The following DENND4C variants were observed in gnomAD, a reference collection of about 807,000 sequenced individuals.
DENND4C encodes the protein DENN domain containing 4C.
A neutral mutation model predicts 203.0 loss-of-function variants in DENND4C; 108 were observed. The ratio of observed to expected loss-of-function variants is 0.53; its 90% CI spans 0.46 to 0.62. The LOEUF is 0.62. Ranked by LOEUF, DENND4C falls within the 20% of genes least tolerant of loss-of-function variation. The pLI is 0.00. For synonymous variants in DENND4C, 871 were observed against 792.4 expected (o/e 1.10, Z -1.67); for missense variants, 2,481 against 2,301.2 (o/e 1.08, Z -1.60).
In DENND4C at chr9:19,346,718, G is replaced by A. The variant is rs1263017147; in HGVS notation, c.3949G>A (p.Ala1317Thr). The A allele has an allele frequency of 1.2e-6, 2 of 1,614,138 alleles. No individual in the cohort carries two copies. The highest frequency in any genetic ancestry group is 3.3e-5 in the Admixed American group (2 of 60,024). The part of the protein sequence containing the change: ...EENRESGMTT[A>T]FIHALERRSS... The stretch of plus-strand genomic sequence containing the variant: ...AAACAGAGAGTCTGGCATGACTACT[G>A]CATTTATTCATGCTCTAGAGAGGAG... The change falls in exon 23 of 33, where the codon GCA (alanine) becomes ACA (threonine). Residue 1317 changes from alanine (A) to threonine (T), a missense_variant. Coordinates refer to ENST00000434457, the MANE Select transcript of DENND4C (RefSeq NM_001330640.2).
intron 9 of DENND4C, 109 bp from the exon 10 acceptor site, chr9:19,305,243 A>G (rs1443804817): frequency 2.9e-5 from 27 of 929,948 alleles, no homozygotes; most frequent in Non-Finnish European, 3.8e-5. Context: ...AAGGTAAACA[A>G]AACAGACTTA....
intron 1 of DENND4C, among the ~76,000 whole-genome samples, chr9:19,271,835 C>G (rs1172554696): frequency 6.7e-6 from 1 of 149,032 alleles, no homozygotes; most frequent in Non-Finnish European, 1.5e-5. Flanking sequence ...CGCCATTGCA[C>G]TCCAGCCTGG....
At chr9:19,355,210 A>C (rs1825133087) in intron 26 of DENND4C, among the ~76,000 whole-genome samples, 1 of 152,044 alleles carries the variant, frequency 6.6e-6, no homozygotes, top group Non-Finnish European at 1.5e-5. Context: ...ATGCCTGGCC[A>C]TTCATTGCCT....
chr9:19,316,723 A>G lies in DENND4C; in HGVS notation c.1691A>G (p.Glu564Gly). 4.3e-6 allele frequency: 7 copies of G among 1,614,128 alleles called. No homozygotes were observed. The highest frequency in any genetic ancestry group is 5.9e-6 in the Non-Finnish European group (7 of 1,180,010). The change falls in exon 12 of 33, where the codon GAG becomes GGG. Residue 564 changes from glutamate (E) to glycine (G), a missense_variant. Transcript: ENST00000434457. ...KMTQLEMEIQEAFLRFMASIL... is the reference protein window; with the variant it reads ...KMTQLEMEIQGAFLRFMASIL... ...ACACAGCTTGAGATGGAAATTCAAG[A>G]GGCATTTTTGCGCTTTATGGCGTCT...
At chr9:19,304,127 G>T (rs1028130772) in intron 9 of DENND4C, among the ~76,000 whole-genome samples, 6 of 146,916 alleles carry the variant, frequency 4.1e-5, no homozygotes, top group Middle Eastern at 3.5e-3. Flanking sequence ...CTTGAGGAAT[G>T]TTTTTTTCTC....
chr9:19,323,764 C>A (rs1200813670), intron 12 of DENND4C, among the ~76,000 whole-genome samples: 2 of 152,178 alleles, frequency 1.3e-5, no homozygotes, highest in African/African-American at 4.8e-5. Flanking sequence ...AGAGAAATTT[C>A]TACTTAAAAG....
intron 1 of DENND4C, among the ~76,000 whole-genome samples, chr9:19,248,467 G>T (rs540395638): frequency 6.6e-6 from 1 of 152,016 alleles, no homozygotes; most frequent in South Asian, 2.1e-4. Flanking sequence ...TTGGCTCACC[G>T]CAACCTCCGC....
chr9:19,365,519 C>G (rs1827452834), intron 30 of DENND4C, among the ~76,000 whole-genome samples: 1 of 151,932 alleles, frequency 6.6e-6, no homozygotes, highest in Non-Finnish European at 1.5e-5. Context: ...TACCATTCTA[C>G]CAGAGGTTCT....
chr9:19,254,090 G>C (rs1438398692), intron 1 of DENND4C, among the ~76,000 whole-genome samples: 4 of 151,822 alleles, frequency 2.6e-5, no homozygotes, highest in Non-Finnish European at 5.9e-5. Flanking sequence ...TTAATACAAA[G>C]TATCAATATG....
rs547732012 is a variant in DENND4C, at chr9:19,297,192, A to G, written c.1041-864A>G. On this transcript the variant is annotated intron_variant, in intron 6 of 32. Transcript: ENST00000434457. The stretch of plus-strand genomic sequence containing the variant: ...TGTGTAAGCTTAGATGTTTCTTACA[A>G]TTTCAGAACTTTTACATTATAGCAG... Among the ~76,000 whole-genome samples, 18 of 152,330 alleles carry G rather than the reference A, an allele frequency of 1.2e-4. 2 individuals are homozygous for G. The South Asian group carries it at 3.5e-3, about 30-fold the overall frequency.
intron 1 of DENND4C, among the ~76,000 whole-genome samples, chr9:19,274,070 G>A (rs928408167): frequency 2.1e-4 from 32 of 151,972 alleles, no homozygotes; most frequent in African/African-American, 7.5e-4. Flanking sequence ...ATACCACTCA[G>A]TAATAAAAGG....
chr9:19,304,086 A>G (rs1839158257), intron 9 of DENND4C, among the ~76,000 whole-genome samples: 1 of 149,092 alleles, frequency 6.7e-6, no homozygotes, highest in Non-Finnish European at 1.5e-5. Flanking sequence ...CAATTGAAGT[A>G]AAGCTTTGTA....
At chr9:19,236,078 T>C (rs1485853102) in intron 1 of DENND4C, among the ~76,000 whole-genome samples, 2 of 152,064 alleles carry the variant, frequency 1.3e-5, no homozygotes, top group Non-Finnish European at 2.9e-5. Context: ...AGTTCAATTA[T>C]CTCTTAATTT....
At chr9:19,242,735 A>T (rs1386569963) in intron 1 of DENND4C, among the ~76,000 whole-genome samples, 1 of 151,672 alleles carries the variant, frequency 6.6e-6, no homozygotes, top group Non-Finnish European at 1.5e-5. Context: ...GGCTCACTGC[A>T]ACCTCTGCCT....
In DENND4C at chr9:19,372,300, T is replaced by C; in HGVS notation, c.*127T>C. On this transcript the variant is annotated 3_prime_UTR_variant, in exon 33 of 33. Coordinates refer to ENST00000434457, the MANE Select transcript of DENND4C (RefSeq NM_001330640.2). Reference sequence around the variant, plus strand: ...GAATTGAAGTAACTCTTGGGGACAATATATAATGAATTATGATTCATATTG... The same window carrying C: ...GAATTGAAGTAACTCTTGGGGACAACATATAATGAATTATGATTCATATTG... The C allele has an allele frequency of 8.7e-7, 1 of 1,144,602 alleles. No homozygotes were observed. The highest frequency in any genetic ancestry group is 1.5e-5 in the African/African-American group (1 of 64,798). 70.9% of individuals were successfully genotyped at this position (1,144,602 alleles called of 1,614,324 possible).
At chr9:19,299,366 A>G in intron 8 of DENND4C, 79 bp downstream of exon 8, 2 of 872,432 alleles carry the variant, frequency 2.3e-6, no homozygotes, top group East Asian at 3.0e-5. Flanking sequence ...TTAGTATATT[A>G]TTAATATATT....
At chr9:19,343,087 A>G (rs1258275608) in intron 22 of DENND4C, among the ~76,000 whole-genome samples, 1 of 152,148 alleles carries the variant, frequency 6.6e-6, no homozygotes, top group Non-Finnish European at 1.5e-5. Flanking sequence ...GGCTTCCTGT[A>G]TGCATCATGA....
Position 19,332,876 on chromosome 9 carries a change from A to C in DENND4C, c.2460+692A>C, listed in dbSNP as rs778265107. ...TGGCCTCCCAAAGTGCAGGGATTAC[A>C]GGCATGAGCCACTGTGGCTGGCTTC... On this transcript the variant is annotated intron_variant, in intron 17 of 32. Transcript: ENST00000434457. Among the ~76,000 whole-genome samples, 19 of 150,580 alleles carry C rather than the reference A, an allele frequency of 1.3e-4. No individual in the cohort carries two copies. In the South Asian group the frequency reaches 4.0e-3, roughly 32 times the overall value.
At chr9:19,278,922 C>T (rs559678668) in intron 2 of DENND4C, among the ~76,000 whole-genome samples, 1 of 152,250 alleles carries the variant, frequency 6.6e-6, no homozygotes, top group South Asian at 2.1e-4. Flanking sequence ...AAGGGCCTAA[C>T]TATTCAAATT....
Sources: allele counts gnomAD v4.1 joint callset (sites outside exome capture counted in the v4.1 genomes callset), GRCh38; gene constraint gnomAD v4.1.1; transcripts MANE v1.5; gene names NCBI Gene and HGNC (gene_info 2026-07-23, HGNC 2026-07-21).